The following LOC122539214 variants were observed in gnomAD, a reference collection of about 807,000 sequenced individuals.
At chr19:52,650,798 G>C in the LOC122539214 span, 1 of 152,200 alleles carries the variant, frequency 6.6e-6, no homozygotes, top group Admixed American at 6.5e-5. Flanking sequence ...GCAAAGTTAG[G>C]TATAGGCTTG....
At chr19:52,659,695 T>C in the LOC122539214 span, among the ~76,000 whole-genome samples, 1 of 150,760 alleles carries the variant, frequency 6.6e-6, no homozygotes, top group Non-Finnish European at 1.5e-5. Flanking sequence ...GAAGGCATAA[T>C]GGCAAAAATT....
the LOC122539214 span, among the ~76,000 whole-genome samples, chr19:52,671,928 A>C: frequency 0.031 from 4,660 of 152,256 alleles, 80 homozygotes; most frequent in Non-Finnish European, 0.048. Context: ...GGCCCTGAAA[A>C]AATATAACTA....
chr19:52,682,059 G>A, the LOC122539214 span, among the ~76,000 whole-genome samples: 1 of 152,026 alleles, frequency 6.6e-6, no homozygotes, highest in South Asian at 2.1e-4. Context: ...TCTTGGCCAG[G>A]CTGGTATTGA....
chr19:52,666,188 A>C, the LOC122539214 span, among the ~76,000 whole-genome samples: 1 of 151,468 alleles, frequency 6.6e-6, no homozygotes, highest in Non-Finnish European at 1.5e-5. Context: ...AGAAAGAGAC[A>C]GAGAGTCAAA....
At chr19:52,686,824 C>G in the LOC122539214 span, among the ~76,000 whole-genome samples, 3 of 152,074 alleles carry the variant, frequency 2.0e-5, no homozygotes, top group African/African-American at 7.2e-5. Context: ...TCTCTCACCT[C>G]GGTCTCCCAA....
the LOC122539214 span, among the ~76,000 whole-genome samples, chr19:52,676,635 G>A: frequency 4.0e-5 from 6 of 148,610 alleles, no homozygotes; most frequent in Non-Finnish European, 9.0e-5. Flanking sequence ...GTGCCCAACA[G>A]CTCATTGAGA....
At chr19:52,667,689 G>T in the LOC122539214 span, among the ~76,000 whole-genome samples, 4 of 152,068 alleles carry the variant, frequency 2.6e-5, no homozygotes, top group African/African-American at 9.7e-5. Context: ...GTTTTTCTGT[G>T]AACTGGATAT....
chr19:52,684,282 C>T, the LOC122539214 span, among the ~76,000 whole-genome samples: 4 of 152,058 alleles, frequency 2.6e-5, no homozygotes, highest in Non-Finnish European at 5.9e-5. Flanking sequence ...AGGAGAATTG[C>T]TTGAACTCTG....
chr19:52,683,226 C>CTG, the LOC122539214 span, among the ~76,000 whole-genome samples: 12 of 135,652 alleles, frequency 8.8e-5, no homozygotes, highest in African/African-American at 2.7e-4. Flanking sequence ...TGCCCTGTGA[C>CTG]TCTGTGTGTG....
the LOC122539214 span, chr19:52,655,537 C>T: frequency 7.5e-6 from 11 of 1,471,310 alleles, no homozygotes; most frequent in Non-Finnish European, 1.0e-5. Context: ...AGATTCCTCA[C>T]ATCAGGAGGG....
the LOC122539214 span, among the ~76,000 whole-genome samples, chr19:52,678,571 A>T: frequency 6.6e-6 from 1 of 152,120 alleles, no homozygotes; most frequent in Non-Finnish European, 1.5e-5. Flanking sequence ...CTGGACTTTT[A>T]AACACAATCT....
At chr19:52,678,575 A>G in the LOC122539214 span, among the ~76,000 whole-genome samples, 1 of 152,106 alleles carries the variant, frequency 6.6e-6, no homozygotes, top group African/African-American at 2.4e-5. Context: ...ACTTTTAAAC[A>G]CAATCTCTGG....
chr19:52,660,969 A>C, the LOC122539214 span: 1 of 152,402 alleles, frequency 6.6e-6, no homozygotes, highest in Admixed American at 6.6e-5. Context: ...AGTTCAAGGA[A>C]TTCTCTTGCC....
the LOC122539214 span, among the ~76,000 whole-genome samples, chr19:52,678,449 CAAAA>C: frequency 9.1e-6 from 1 of 109,702 alleles, no homozygotes; most frequent in African/African-American, 3.6e-5. Flanking sequence ...GACTTCATCT[CAAAA>C]AAAAAAAAAA....
At chr19:52,667,009 A>G in the LOC122539214 span, among the ~76,000 whole-genome samples, 1 of 152,224 alleles carries the variant, frequency 6.6e-6, no homozygotes, top group African/African-American at 2.4e-5. Flanking sequence ...GAAGGAGGCC[A>G]CCTATACCAC....
chr19:52,664,341 C>T, the LOC122539214 span, among the ~76,000 whole-genome samples: 1 of 152,012 alleles, frequency 6.6e-6, no homozygotes, highest in African/African-American at 2.4e-5. Flanking sequence ...ATGAGGAACA[C>T]AAAAATTTGC....
the LOC122539214 span, among the ~76,000 whole-genome samples, chr19:52,663,072 A>C: frequency 6.6e-6 from 1 of 152,066 alleles, no homozygotes. Context: ...CTGACCAGGG[A>C]GGATCACTTG....
the LOC122539214 span, chr19:52,654,293 A>G: frequency 6.5e-7 from 1 of 1,530,158 alleles, no homozygotes; most frequent in Non-Finnish European, 9.0e-7. Flanking sequence ...GGGAAGCAAA[A>G]ATCTCCAATG....
the LOC122539214 span, chr19:52,652,982 G>T: frequency 7.4e-7 from 1 of 1,343,498 alleles, no homozygotes; most frequent in Non-Finnish European, 1.1e-6. Context: ...CACCTGTAAG[G>T]TTTCTCTCCA....
Sources: gnomAD v4.1 joint callset for allele counts (sites outside exome capture counted in the v4.1 genomes callset) on GRCh38, gnomAD v4.1.1 for gene constraint, MANE v1.5 for transcripts.